The following TANGO6 variants were observed in gnomAD, a reference collection of about 807,000 sequenced individuals.
TANGO6 encodes transport and golgi organization 6 homolog, also known as transport and Golgi organization protein 6 homolog.
A neutral mutation model predicts 114.2 loss-of-function variants in TANGO6; 90 were observed. The ratio of observed to expected loss-of-function variants is 0.79; its 90% confidence interval spans 0.66 to 0.94. The LOEUF (loss-of-function observed/expected upper bound fraction) is 0.94, where lower values mean the gene tolerates loss of function less well. Ranked by LOEUF, TANGO6 falls within the 40% of genes least tolerant of loss-of-function variation. TANGO6 has a pLI of 0.00. For synonymous variants in TANGO6, 477 were observed against 509.8 expected (o/e 0.94, Z 0.87); for missense variants, 1,274 against 1,315.3 (o/e 0.97, Z 0.49).
intron 9 of TANGO6, among the ~76,000 whole-genome samples, chr16:68,904,790 A>G (rs1311130757): frequency 6.6e-6 from 1 of 152,180 alleles, no homozygotes; most frequent in Non-Finnish European, 1.5e-5. Flanking sequence ...TTTATATGAT[A>G]ATATGGTATA....
At chr16:68,866,446 A>G in intron 3 of TANGO6, among the ~76,000 whole-genome samples, 1 of 147,864 alleles carries the variant, frequency 6.8e-6, no homozygotes, top group Non-Finnish European at 1.5e-5. Context: ...ACAAGGTGAA[A>G]CCCCATCTCT....
chr16:68,928,158 G>A (rs1243759495), intron 13 of TANGO6, 75 bp downstream of exon 13: 2 of 1,451,808 alleles, frequency 1.4e-6, no homozygotes, highest in Admixed American at 2.6e-5. Flanking sequence ...TTTGGAGCCT[G>A]GACTATGTGT....
chr16:68,862,708 C>A (rs1962115343), intron 2 of TANGO6, among the ~76,000 whole-genome samples: 1 of 152,168 alleles, frequency 6.6e-6, no homozygotes, highest in African/African-American at 2.4e-5. Context: ...TGAGTTTACT[C>A]CATCCTCAGC....
chr16:68,879,173 A>T (rs1962418310), intron 6 of TANGO6, among the ~76,000 whole-genome samples: 1 of 151,758 alleles, frequency 6.6e-6, no homozygotes, highest in Admixed American at 6.6e-5. Context: ...TTATTTCTGT[A>T]TTGTCCAGGC....
intron 12 of TANGO6, among the ~76,000 whole-genome samples, chr16:68,922,391 C>G (rs978673670): frequency 3.3e-5 from 5 of 151,996 alleles, no homozygotes; most frequent in African/African-American, 1.2e-4. Context: ...CAAAAATCAG[C>G]CGGGCTTGGT....
chr16:69,066,394 A>C (rs2152241718), intron 17 of TANGO6, among the ~76,000 whole-genome samples: 1 of 152,270 alleles, frequency 6.6e-6, no homozygotes, highest in South Asian at 2.1e-4. Flanking sequence ...TCCCAGGTTC[A>C]AGCAGTTCTC....
chr16:68,933,697 C>T (rs1174071261), intron 14 of TANGO6: 1 of 152,210 alleles, frequency 6.6e-6, no homozygotes, highest in East Asian at 1.9e-4. Context: ...TCGGAGCAGA[C>T]ATCCTATCAT....
intron 17 of TANGO6, among the ~76,000 whole-genome samples, chr16:69,045,482 G>A (rs1430213735): frequency 7.8e-6 from 1 of 128,246 alleles, no homozygotes; most frequent in Non-Finnish European, 1.6e-5. Context: ...AGTGACTTAT[G>A]CCTGTAATCC....
intron 14 of TANGO6, among the ~76,000 whole-genome samples, chr16:68,963,091 CAA>C (rs567582629): frequency 2.0e-4 from 15 of 76,872 alleles, no homozygotes; most frequent in Admixed American, 3.1e-4. Context: ...GACTCCGTCT[CAA>C]AAAAAAAAAA....
chr16:68,859,766 G>A (rs1056697333), intron 1 of TANGO6, 118 bp from the exon 2 acceptor site: 1 of 1,209,216 alleles, frequency 8.3e-7, no homozygotes. Flanking sequence ...GCTTTCCAGA[G>A]CCAGTGACAG....
chr16:69,081,631 C>A (rs1309601807), intron 17 of TANGO6, among the ~76,000 whole-genome samples: 2 of 152,098 alleles, frequency 1.3e-5, no homozygotes, highest in Non-Finnish European at 2.9e-5. Flanking sequence ...TGAGCCACCA[C>A]ACCCGGCCTC....
chr16:68,847,972 C>T (rs1177159906), intron 1 of TANGO6, among the ~76,000 whole-genome samples: 1 of 147,656 alleles, frequency 6.8e-6, no homozygotes, highest in Non-Finnish European at 1.5e-5. Context: ...TGCACTCCAG[C>T]CTGGGTGACA....
At chr16:68,855,686 C>T (rs1961977912) in intron 1 of TANGO6, among the ~76,000 whole-genome samples, 1 of 151,950 alleles carries the variant, frequency 6.6e-6, no homozygotes, top group South Asian at 2.1e-4. Flanking sequence ...AGTTTGAGAC[C>T]AGCCTGGCCA....
At chr16:68,893,735 CAAAAAAAAAAAAGAAAACAACCAAAAA>C (rs1470419508) in intron 7 of TANGO6, among the ~76,000 whole-genome samples, 1 of 60,462 alleles carries the variant, frequency 1.7e-5, no homozygotes, top group Non-Finnish European at 3.7e-5. Flanking sequence ...AACTGTGTCT[CAAAAAAAAAAAAGAAAACAACCAAAAA>C]AAAAAAAAAA....
intron 9 of TANGO6, among the ~76,000 whole-genome samples, chr16:68,906,097 T>C (rs183522731): frequency 0.02 from 3,041 of 151,860 alleles, 74 homozygotes; most frequent in African/African-American, 0.055. Context: ...GGAGAATCGC[T>C]TGAACCCAGG....
chr16:68,912,361 C>T (rs1366913123), intron 11 of TANGO6, among the ~76,000 whole-genome samples: 3 of 152,066 alleles, frequency 2.0e-5, no homozygotes. Context: ...AGACCGGGTG[C>T]AGTGGCTCAC....
At position 68,860,055 on chromosome 16, in the gene TANGO6, A is replaced by G; in HGVS notation, c.266A>G (p.Asp89Gly). 2 of 1,613,998 alleles carry G rather than the reference A, an allele frequency of 1.2e-6. No individual in the cohort carries two copies. Among genetic ancestry groups the G allele is most frequent in the Non-Finnish European group, 1.7e-6 (2 of 1,179,894 alleles). ...GCAGAATGGCCACAAAACTCTGTGG[A>G]TGTCACTTGGAGTTTTACCTCTCAA... ...DKAEWPQNSV[D>G]VTWSFTSQTL... The change falls in exon 2 of 18, where the codon GAT becomes GGT. Residue 89 changes from aspartate to glycine, a missense_variant. Physicochemically the swap from Asp to Gly is moderately conservative, Grantham distance 94 (BLOSUM62 -1). This residue lies in a region of TANGO6 where 114 missense variants were observed against 104.6 expected (regional missense o/e 1.09). Coordinates refer to ENST00000261778, the MANE Select transcript of TANGO6 (RefSeq NM_024562.2).
At chr16:68,948,569 G>A (rs1483544745) in intron 14 of TANGO6, among the ~76,000 whole-genome samples, 1 of 152,154 alleles carries the variant, frequency 6.6e-6, no homozygotes, top group Non-Finnish European at 1.5e-5. Flanking sequence ...AGATGCAAGG[G>A]CTGAGTTTCC....
intron 7 of TANGO6, among the ~76,000 whole-genome samples, chr16:68,886,655 C>T (rs1962543247): frequency 6.6e-6 from 1 of 152,076 alleles, no homozygotes; most frequent in African/African-American, 2.4e-5. Context: ...ATTACAGGTG[C>T]CTGGCACCAC....
Sources: gnomAD v4.1 joint callset for allele counts (sites outside exome capture counted in the v4.1 genomes callset) on GRCh38, gnomAD v4.1.1 for gene constraint, gnomAD v4.1.1 regional missense constraint, MANE v1.5 for transcripts, NCBI Gene and HGNC (gene_info 2026-07-23, HGNC 2026-07-21) for gene names.